The following CSMD1 variants were observed in gnomAD, a reference collection of about 807,000 sequenced individuals.
CSMD1 encodes CUB and Sushi multiple domains 1.
CSMD1 carries 213 observed loss-of-function variants against 417.5 expected under a neutral mutation model. The ratio of observed to expected loss-of-function variants is 0.51; its 90% confidence interval spans 0.46 to 0.57. The LOEUF (loss-of-function observed/expected upper bound fraction) is 0.57. CSMD1 is among the 20% of genes least tolerant of loss of function. The pLI is 0.00. For synonymous variants in CSMD1, 2,862 were observed against 1,736.8 expected, an observed-to-expected ratio of 1.65 and a Z score of -16.11; for missense variants, 6,923 against 4,529.7, an observed-to-expected ratio of 1.53 and a Z score of -15.17.
chr8:4,079,379 A>G (rs1242511224), intron 3 of CSMD1, among the ~76,000 whole-genome samples: 2 of 152,184 alleles, frequency 1.3e-5, no homozygotes, highest in Non-Finnish European at 2.9e-5. Context: ...GTAATCAGGC[A>G]TTCTATTCAG....
chr8:3,930,941 T>C (rs534840186), intron 5 of CSMD1, among the ~76,000 whole-genome samples: 1 of 150,782 alleles, frequency 6.6e-6, no homozygotes, highest in African/African-American at 2.4e-5. Context: ...GCTAGGATTC[T>C]TAAAAACCTA....
At chr8:3,805,162 A>C (rs761701895) in intron 5 of CSMD1, among the ~76,000 whole-genome samples, 1 of 152,184 alleles carries the variant, frequency 6.6e-6, no homozygotes, top group Non-Finnish European at 1.5e-5. Flanking sequence ...CATCCCATTC[A>C]AAGAGACCAC....
At chr8:4,825,399 T>C (rs1414021883) in intron 1 of CSMD1, among the ~76,000 whole-genome samples, 1 of 152,106 alleles carries the variant, frequency 6.6e-6, no homozygotes. Context: ...CAGCATATAA[T>C]GCAGTGATGG....
chr8:4,006,775 T>A (rs1018274941), intron 4 of CSMD1, among the ~76,000 whole-genome samples: 6 of 151,080 alleles, frequency 4.0e-5, no homozygotes, highest in African/African-American at 1.5e-4. Flanking sequence ...ACGGCTTATA[T>A]CACCATTCAT....
intron 2 of CSMD1, among the ~76,000 whole-genome samples, chr8:4,490,373 T>TC (rs1801640778): frequency 6.6e-6 from 1 of 152,326 alleles, no homozygotes; most frequent in African/African-American, 2.4e-5. Flanking sequence ...TTGCTTAATG[T>TC]CCCCTAACTT....
At chr8:4,511,960 C>T (rs983393041) in intron 2 of CSMD1, among the ~76,000 whole-genome samples, 12 of 152,136 alleles carry the variant, frequency 7.9e-5, no homozygotes, top group African/African-American at 2.4e-4. Flanking sequence ...ATTACCCTAA[C>T]ATCAACACCA....
intron 52 of CSMD1, among the ~76,000 whole-genome samples, chr8:3,018,161 T>C (rs947228684): frequency 3.3e-5 from 5 of 152,224 alleles, no homozygotes; most frequent in Non-Finnish European, 7.4e-5. Context: ...TTTAAAAACA[T>C]AAAATGTACA....
intron 3 of CSMD1, among the ~76,000 whole-genome samples, chr8:4,203,356 C>G (rs1037668427): frequency 6.6e-6 from 1 of 152,100 alleles, no homozygotes; most frequent in African/African-American, 2.4e-5. Flanking sequence ...CCAACATCAG[C>G]CTTCCAACCT....
intron 3 of CSMD1, among the ~76,000 whole-genome samples, chr8:4,213,245 C>G (rs13248376): frequency 0.12 from 18,040 of 152,128 alleles, 1,224 homozygotes; most frequent in East Asian, 0.27. Flanking sequence ...TGGGTGGCTC[C>G]ATTCTGTCAG....
intron 36 of CSMD1, among the ~76,000 whole-genome samples, chr8:3,182,318 G>T (rs965276465): frequency 6.6e-6 from 1 of 152,044 alleles, no homozygotes; most frequent in Non-Finnish European, 1.5e-5. Context: ...ACAATCTTGG[G>T]ATTCTCCTGC....
chr8:4,276,023 G>T (rs191866235), intron 3 of CSMD1, among the ~76,000 whole-genome samples: 43 of 152,286 alleles, frequency 2.8e-4, no homozygotes, highest in Non-Finnish European at 5.3e-4. Context: ...AATGTTGGTG[G>T]GAGTGTAAAT....
chr8:2,964,638 C>A (rs1308720310), intron 59 of CSMD1, among the ~76,000 whole-genome samples: 1 of 152,212 alleles, frequency 6.6e-6, no homozygotes, highest in African/African-American at 2.4e-5. Context: ...GACCATTTGA[C>A]CTGAATACTG....
At chr8:3,248,394 T>G (rs1800021950) in intron 26 of CSMD1, among the ~76,000 whole-genome samples, 2 of 152,068 alleles carry the variant, frequency 1.3e-5, no homozygotes, top group South Asian at 4.1e-4. Flanking sequence ...TTCCCACCTA[T>G]GAAGTCCTTT....
At chr8:3,505,361 T>C (rs1339868748) in intron 10 of CSMD1, among the ~76,000 whole-genome samples, 3 of 152,296 alleles carry the variant, frequency 2.0e-5, no homozygotes, top group Admixed American at 1.3e-4. Context: ...GAGAAAATTA[T>C]AGATCACTAC....
chr8:4,005,135 G>A (rs1436642635), intron 4 of CSMD1, among the ~76,000 whole-genome samples: 3 of 152,120 alleles, frequency 2.0e-5, no homozygotes, highest in Non-Finnish European at 1.5e-5. Context: ...GGAGATTTGG[G>A]GGGAAGAGTG....
At chr8:4,321,248 T>C (rs1354490306) in intron 3 of CSMD1, among the ~76,000 whole-genome samples, 1 of 152,136 alleles carries the variant, frequency 6.6e-6, no homozygotes, top group East Asian at 1.9e-4. Flanking sequence ...AGCTAGTCCC[T>C]GTGGCCCACT....
At chr8:4,797,652 G>T (rs976067520) in intron 1 of CSMD1, among the ~76,000 whole-genome samples, 1 of 152,152 alleles carries the variant, frequency 6.6e-6, no homozygotes, top group African/African-American at 2.4e-5. Flanking sequence ...TAGAAATCAT[G>T]ATAAAATTAT....
At chr8:4,761,717 T>C (rs996107469) in intron 1 of CSMD1, among the ~76,000 whole-genome samples, 1 of 152,156 alleles carries the variant, frequency 6.6e-6, no homozygotes, top group Admixed American at 6.6e-5. Context: ...CTGTTTATTC[T>C]GAAGTAATGA....
intron 18 of CSMD1, among the ~76,000 whole-genome samples, chr8:3,377,159 C>T (rs1478857001): frequency 3.3e-5 from 5 of 152,136 alleles, no homozygotes; most frequent in Non-Finnish European, 7.4e-5. Context: ...TAGGCACATG[C>T]CAATACCCCC....
Sources: gnomAD v4.1 joint callset for allele counts (sites outside exome capture counted in the v4.1 genomes callset) on GRCh38, gnomAD v4.1.1 for gene constraint, MANE v1.5 for transcripts, NCBI Gene and HGNC (gene_info 2026-07-23, HGNC 2026-07-21) for gene names.